The following MAMDC2 variants were observed in gnomAD, a reference collection of about 807,000 sequenced individuals.
The protein encoded by MAMDC2 is MAM domain-containing protein 2.
MAMDC2 carries 57 observed loss-of-function variants against 89.8 expected under a neutral mutation model. That is an observed-to-expected ratio of 0.63 (90% confidence interval 0.51 to 0.79). The LOEUF is 0.79. Ranked by LOEUF, MAMDC2 falls within the 30% of genes least tolerant of loss-of-function variation. The pLI is 0.00. For missense variants in MAMDC2, 800 were observed against 820.6 expected (o/e 0.97, Z 0.31); for synonymous variants, 313 against 293.4 (o/e 1.07, Z -0.68).
chr9:70,131,747 A>G, intron 7 of MAMDC2, 135 bp downstream of exon 7: 2 of 688,934 alleles, frequency 2.9e-6, no homozygotes, highest in South Asian at 1.8e-5. Flanking sequence ...TATTTAATCA[A>G]AGGTCATTTT....
At chr9:70,141,980 A>G (rs886779518) in intron 8 of MAMDC2, among the ~76,000 whole-genome samples, 1 of 152,140 alleles carries the variant, frequency 6.6e-6, no homozygotes, top group Non-Finnish European at 1.5e-5. Flanking sequence ...AGTATAATAG[A>G]AAAGGGGAGG....
At chr9:70,062,323 G>C (rs1262450993) in intron 2 of MAMDC2, among the ~76,000 whole-genome samples, 1 of 151,550 alleles carries the variant, frequency 6.6e-6, no homozygotes, top group African/African-American at 2.4e-5. Flanking sequence ...ACCATTCCCA[G>C]CCCTCTACCA....
At chr9:70,145,677 AT>A (rs1217253290) in intron 9 of MAMDC2, among the ~76,000 whole-genome samples, 2 of 152,118 alleles carry the variant, frequency 1.3e-5, no homozygotes, top group African/African-American at 2.4e-5. Flanking sequence ...TATTTTGCTG[AT>A]TTTTTTAAAG....
At chr9:70,156,010 G>A (rs1482166545) in intron 9 of MAMDC2, among the ~76,000 whole-genome samples, 1 of 152,132 alleles carries the variant, frequency 6.6e-6, no homozygotes, top group Non-Finnish European at 1.5e-5. Flanking sequence ...AAATCAGAAT[G>A]TCATGTCACC....
rs114333360 is a variant in MAMDC2 at position 70,097,640 on chromosome 9, A to C, written c.149-10571A>C. On this transcript the variant is annotated intron_variant, in intron 2 of 13. Transcript: ENST00000377182. ...GTTTCTTACCGCTTGGGACCAAAAT[A>C]GGATGACAGTATCTAGTTGTTCCTT... Among the ~76,000 whole-genome samples the C allele has an allele frequency of 8.9e-3, 1,357 of 152,346 alleles. 25 individuals carry two copies. Among genetic ancestry groups the C allele is most frequent in the African/African-American group, 0.031 (1,306 of 41,580 alleles).
At chr9:70,221,407 A>AGAGAGAGAGAGAGAGAGG (rs1491076799) in intron 12 of MAMDC2, among the ~76,000 whole-genome samples, 5 of 119,936 alleles carry the variant, frequency 4.2e-5, no homozygotes, top group African/African-American at 1.6e-4. Context: ...AGAGAGAGAG[A>AGAGAGAGAGAGAGAGAGG]GTAACATCAG....
intron 8 of MAMDC2, among the ~76,000 whole-genome samples, chr9:70,141,079 T>G (rs2031201247): frequency 6.6e-6 from 1 of 152,192 alleles, no homozygotes. Flanking sequence ...ACCGTGGAGC[T>G]GGTGAAGCTT....
At chr9:70,073,852 T>C (rs1333922996) in intron 2 of MAMDC2, among the ~76,000 whole-genome samples, 1 of 152,186 alleles carries the variant, frequency 6.6e-6, no homozygotes, top group Non-Finnish European at 1.5e-5. Flanking sequence ...CATCTTACAT[T>C]GGTCTTAACA....
At chr9:70,220,423 T>C (rs1271763790) in intron 12 of MAMDC2, among the ~76,000 whole-genome samples, 1 of 152,152 alleles carries the variant, frequency 6.6e-6, no homozygotes, top group Admixed American at 6.5e-5. Context: ...ATGGAACAGA[T>C]AAGAATCTCC....
intron 7 of MAMDC2, among the ~76,000 whole-genome samples, chr9:70,136,458 G>T (rs564964870): frequency 3.2e-4 from 49 of 152,280 alleles, no homozygotes; most frequent in African/African-American, 1.0e-3. Context: ...GACATAGCTT[G>T]GTTGCTTTCA....
At chr9:70,044,299 G>T in intron 1 of MAMDC2, 68 bp downstream of exon 1, 2 of 1,543,044 alleles carry the variant, frequency 1.3e-6, no homozygotes, top group South Asian at 1.1e-5. Context: ...TGCTGCCCCC[G>T]GGGGTCCGGC....
Position 70,170,567 on chromosome 9 carries a change from C to G in MAMDC2, c.1587C>G (p.His529Gln), listed in dbSNP as rs775178329. Residue 529 changes from histidine to glutamine, a missense_variant, in exon 11 of 14, where the codon CAC (histidine) becomes CAG (glutamine). Coordinates refer to ENST00000377182, the MANE Select transcript of MAMDC2 (RefSeq NM_153267.5). ...AGAAAAGAAACCGGAGCAGCTGGCA[C>G]AGGAGGAGGGGAGAAACTCCCACTT... ...TQEKRNRSSW[H>Q]RRRGETPTSY... The G allele has an allele frequency of 5.0e-6, 8 of 1,612,804 alleles. No individual in the cohort carries two copies. The South Asian group carries it at 8.8e-5, about 18-fold the overall frequency.
intron 2 of MAMDC2, among the ~76,000 whole-genome samples, chr9:70,056,373 T>A (rs1295769575): frequency 6.6e-6 from 1 of 152,218 alleles, no homozygotes; most frequent in Non-Finnish European, 1.5e-5. Flanking sequence ...CCATTACAAA[T>A]CCTGAAAATT....
chr9:70,175,825 G>C (rs558898862), intron 11 of MAMDC2: 1 of 152,302 alleles, frequency 6.6e-6, no homozygotes, highest in East Asian at 1.9e-4. Flanking sequence ...TCTCTCCTTG[G>C]CTTGCAGATG....
At chr9:70,044,535 C>T in intron 1 of MAMDC2, 49 bp from the exon 2 acceptor site, 2 of 1,461,816 alleles carry the variant, frequency 1.4e-6, no homozygotes, top group Non-Finnish European at 1.9e-6. Context: ...CGAGTTGGTG[C>T]AAAGGCTCCT....
At chr9:70,046,031 A>G (rs547745860) in intron 2 of MAMDC2, among the ~76,000 whole-genome samples, 12 of 152,304 alleles carry the variant, frequency 7.9e-5, no homozygotes, top group Non-Finnish European at 1.5e-5. Context: ...CCCTTTCCCT[A>G]TACTGGCTGT....
At chr9:70,104,936 T>C (rs553413373) in intron 2 of MAMDC2, among the ~76,000 whole-genome samples, 15 of 152,320 alleles carry the variant, frequency 9.8e-5, no homozygotes, top group African/African-American at 3.6e-4. Flanking sequence ...TTCTATGGAA[T>C]GCGAATTATG....
intron 2 of MAMDC2, among the ~76,000 whole-genome samples, chr9:70,054,458 A>C (rs1826981857): frequency 6.6e-6 from 1 of 152,184 alleles, no homozygotes; most frequent in Non-Finnish European, 1.5e-5. Flanking sequence ...GGCCCCATGC[A>C]GTAGGGTGGA....
intron 11 of MAMDC2, among the ~76,000 whole-genome samples, chr9:70,189,288 T>C (rs755348643): frequency 1.3e-5 from 2 of 152,156 alleles, no homozygotes; most frequent in African/African-American, 2.4e-5. Flanking sequence ...CCTTTTGTTT[T>C]TGAAGGGTAG....
Sources: allele counts gnomAD v4.1 joint callset (sites outside exome capture counted in the v4.1 genomes callset), GRCh38; gene constraint gnomAD v4.1.1; transcripts MANE v1.5; gene names NCBI Gene and HGNC (gene_info 2026-07-23, HGNC 2026-07-21).